DSCAM: variants seen among roughly 807,000 people sequenced by gnomAD.
DSCAM encodes DS cell adhesion molecule.
Under a neutral mutation model 217.7 loss-of-function variants are expected in DSCAM, and 47 were observed. That is an observed-to-expected ratio of 0.22 (90% CI 0.17 to 0.28). DSCAM has a LOEUF of 0.28. DSCAM is among the 10% of genes least tolerant of loss of function. The pLI, the probability that DSCAM is intolerant of heterozygous loss-of-function variation, is 1.00. For synonymous variants in DSCAM, 1,056 were observed against 1,015.3 expected (o/e 1.04, Z -0.76); for missense variants, 2,080 against 2,618.3 (o/e 0.79, Z 4.49).
intron 1 of DSCAM, among the ~76,000 whole-genome samples, chr21:40,709,465 T>A (rs991594093): frequency 6.6e-6 from 1 of 152,192 alleles, no homozygotes; most frequent in Admixed American, 6.5e-5. Context: ...ACATTAGGTA[T>A]TTCTCCTAAT....
At chr21:40,696,167 A>C (rs1291351971) in intron 2 of DSCAM, among the ~76,000 whole-genome samples, 1 of 152,156 alleles carries the variant, frequency 6.6e-6, no homozygotes, top group Admixed American at 6.5e-5. Context: ...GCTTGGTGTC[A>C]TAAGTTAGGC....
intron 1 of DSCAM, among the ~76,000 whole-genome samples, chr21:40,791,191 T>A (rs1304521647): frequency 6.6e-6 from 1 of 151,378 alleles, no homozygotes; most frequent in African/African-American, 2.4e-5. Context: ...GAAATATGCT[T>A]AGTACTGACT....
At chr21:40,463,335 C>G (rs577171802) in intron 3 of DSCAM, among the ~76,000 whole-genome samples, 1 of 152,204 alleles carries the variant, frequency 6.6e-6, no homozygotes, top group South Asian at 2.1e-4. Flanking sequence ...ACAACTATGC[C>G]CAGTGCCCTG....
At chr21:40,660,003 T>C (rs1293272918) in intron 3 of DSCAM, among the ~76,000 whole-genome samples, 2 of 152,218 alleles carry the variant, frequency 1.3e-5, no homozygotes, top group Non-Finnish European at 2.9e-5. Flanking sequence ...ACAACAGCAA[T>C]ACTAGCAGTG....
intron 10 of DSCAM, 122 bp from the exon 11 acceptor site, chr21:40,276,392 G>A (rs1434077595): frequency 1.3e-5 from 10 of 750,206 alleles, no homozygotes; most frequent in East Asian, 6.4e-5. Context: ...AGGCAGTCAC[G>A]GGATACACCA....
intron 8 of DSCAM, among the ~76,000 whole-genome samples, chr21:40,334,593 T>C (rs1326101858): frequency 6.6e-6 from 1 of 152,158 alleles, no homozygotes; most frequent in Non-Finnish European, 1.5e-5. Context: ...ACTTGCCCCC[T>C]TTCCCCGAAT....
chr21:40,587,101 G>A (rs367954457), intron 3 of DSCAM, among the ~76,000 whole-genome samples: 1 of 146,814 alleles, frequency 6.8e-6, no homozygotes, highest in African/African-American at 2.5e-5. Flanking sequence ...ATACAAAAAA[G>A]GCTTTGGGAG....
At chr21:40,584,798 T>C (rs1360909104) in intron 3 of DSCAM, among the ~76,000 whole-genome samples, 3 of 152,156 alleles carry the variant, frequency 2.0e-5, no homozygotes, top group Non-Finnish European at 4.4e-5. Context: ...GCTCCACAGA[T>C]ACAAGAACAC....
chr21:40,130,277 G>C (rs2090141455), intron 19 of DSCAM, among the ~76,000 whole-genome samples: 1 of 152,148 alleles, frequency 6.6e-6, no homozygotes, highest in Non-Finnish European at 1.5e-5. Context: ...TTTCACAACT[G>C]TTTTTAGAAG....
intron 32 of DSCAM, among the ~76,000 whole-genome samples, chr21:40,041,258 TGGATA>T (rs2088743592): frequency 6.6e-6 from 1 of 152,188 alleles, no homozygotes; most frequent in South Asian, 2.1e-4. Flanking sequence ...TCAATAAGAT[TGGATA>T]GATCAGTCTG....
chr21:40,356,574 T>C (rs1363348008), intron 4 of DSCAM, among the ~76,000 whole-genome samples: 3 of 152,106 alleles, frequency 2.0e-5, no homozygotes, highest in Non-Finnish European at 2.9e-5. Flanking sequence ...GGGAGGGGTG[T>C]TTTTATGCAT....
In DSCAM at chr21:40,086,809, G is replaced by A. The variant is rs374232687; in HGVS notation, c.3968+361C>T. ...AGTTCACTATCTTTAAAGAAGAAGA[G>A]ATAGGTGTTAAATCTCACAATAGCC... On this transcript the variant is annotated intron_variant, in intron 22 of 32. Coordinates refer to ENST00000400454, the MANE Select transcript of DSCAM (RefSeq NM_001389.5). 4.6e-5 allele frequency among the ~76,000 whole-genome samples: 7 copies of A among 152,184 alleles called. No homozygotes were observed. The East Asian group carries it at 1.4e-3, about 29-fold the overall frequency.
chr21:40,504,524 T>C (rs1421779068), intron 3 of DSCAM, among the ~76,000 whole-genome samples: 1 of 152,166 alleles, frequency 6.6e-6, no homozygotes, highest in African/African-American at 2.4e-5. Context: ...ACAACAAGCT[T>C]TAACCTGTCA....
intron 3 of DSCAM, among the ~76,000 whole-genome samples, chr21:40,425,215 G>A (rs1206648037): frequency 2.0e-5 from 3 of 151,958 alleles, no homozygotes; most frequent in East Asian, 3.9e-4. Context: ...AAAAGATAAT[G>A]ATGTAGCTGA....
chr21:40,249,376 G>C (rs1408639673), intron 11 of DSCAM, among the ~76,000 whole-genome samples: 1 of 152,104 alleles, frequency 6.6e-6, no homozygotes, highest in Non-Finnish European at 1.5e-5. Flanking sequence ...TTTATCAGAG[G>C]TTTCTGCTTT....
intron 1 of DSCAM, among the ~76,000 whole-genome samples, chr21:40,725,489 T>A (rs1421648889): frequency 1.3e-5 from 2 of 152,260 alleles, no homozygotes; most frequent in Non-Finnish European, 2.9e-5. Flanking sequence ...GATCCAGTTC[T>A]GTATTTTTGC....
intron 11 of DSCAM, among the ~76,000 whole-genome samples, chr21:40,257,076 A>G (rs2073382431): frequency 6.6e-6 from 1 of 152,248 alleles, no homozygotes; most frequent in South Asian, 2.1e-4. Context: ...TAGCAAATCA[A>G]TGTATCATAT....
At chr21:40,327,857 A>T (rs2074334631) in intron 8 of DSCAM, among the ~76,000 whole-genome samples, 1 of 152,166 alleles carries the variant, frequency 6.6e-6, no homozygotes, top group African/African-American at 2.4e-5. Context: ...CTAATAGTGA[A>T]CTATCTGAAA....
intron 16 of DSCAM, among the ~76,000 whole-genome samples, chr21:40,165,470 A>G (rs1236927324): frequency 6.6e-6 from 1 of 152,206 alleles, no homozygotes; most frequent in Admixed American, 6.5e-5. Flanking sequence ...TCCTCCATGA[A>G]CAATGTATTC....
Sources: gnomAD v4.1 joint callset for allele counts (sites outside exome capture counted in the v4.1 genomes callset) on GRCh38, gnomAD v4.1.1 for gene constraint, MANE v1.5 for transcripts, NCBI Gene and HGNC (gene_info 2026-07-23, HGNC 2026-07-21) for gene names.